The following PIBF1 variants were observed in gnomAD, a reference collection of about 807,000 sequenced individuals.
The protein encoded by PIBF1 is progesterone immunomodulatory binding factor 1.
A neutral mutation model predicts 112.5 loss-of-function variants in PIBF1; 90 were observed. That is an observed-to-expected ratio of 0.80 (90% confidence interval 0.67 to 0.95). The LOEUF is 0.95. Ranked by LOEUF, PIBF1 falls within the 40% of genes least tolerant of loss-of-function variation. PIBF1 has a pLI of 0.00. For missense variants in PIBF1, 915 were observed against 852.3 expected, an observed-to-expected ratio of 1.07 and a Z score of -0.92; for synonymous variants, 301 against 288.6, an observed-to-expected ratio of 1.04 and a Z score of -0.44.
At chr13:72,820,149 T>C (rs912581003) in intron 5 of PIBF1, among the ~76,000 whole-genome samples, 1 of 152,152 alleles carries the variant, frequency 6.6e-6, no homozygotes, top group Non-Finnish European at 1.5e-5. Context: ...TTACATGTAT[T>C]ACTTGATATA....
At chr13:72,805,268 G>A (rs777764221) in intron 5 of PIBF1, among the ~76,000 whole-genome samples, 40 of 152,062 alleles carry the variant, frequency 2.6e-4, no homozygotes, top group Non-Finnish European at 1.5e-4. Context: ...TCAACCTCCC[G>A]AGTAGCTGGG....
intron 15 of PIBF1, among the ~76,000 whole-genome samples, chr13:72,972,128 G>A (rs1396189423): frequency 6.6e-6 from 1 of 151,392 alleles, no homozygotes; most frequent in African/African-American, 2.4e-5. Context: ...CAAACTCCTG[G>A]GCTCGAGCGA....
intron 16 of PIBF1, among the ~76,000 whole-genome samples, chr13:72,992,331 GA>G (rs1344193712): frequency 1.3e-5 from 2 of 152,168 alleles, no homozygotes; most frequent in East Asian, 3.8e-4. Flanking sequence ...AAAATATTTT[GA>G]AAATAACTTT....
At chr13:72,867,301 A>G (rs531994817) in intron 10 of PIBF1, among the ~76,000 whole-genome samples, 5 of 152,322 alleles carry the variant, frequency 3.3e-5, no homozygotes, top group Admixed American at 6.5e-5. Context: ...CTCCTCAGCC[A>G]TGTGGAACTG....
intron 12 of PIBF1, among the ~76,000 whole-genome samples, chr13:72,914,857 G>T (rs544462182): frequency 6.6e-6 from 1 of 152,156 alleles, no homozygotes; most frequent in Non-Finnish European, 1.5e-5. Flanking sequence ...TGGGATTATA[G>T]GCATAAGCCA....
intron 9 of PIBF1, among the ~76,000 whole-genome samples, chr13:72,837,992 A>G (rs966566922): frequency 6.6e-6 from 1 of 152,178 alleles, no homozygotes; most frequent in Non-Finnish European, 1.5e-5. Context: ...TCCCAGCCCT[A>G]CATTAGAAAG....
chr13:72,944,072 A>G (rs1374377854), intron 14 of PIBF1, among the ~76,000 whole-genome samples: 5 of 152,094 alleles, frequency 3.3e-5, no homozygotes, highest in African/African-American at 1.2e-4. Context: ...TAAAATAAGT[A>G]TTTTTCTTGT....
chr13:72,825,299 TTATA>T (rs1282889513), intron 6 of PIBF1, among the ~76,000 whole-genome samples: 2 of 152,204 alleles, frequency 1.3e-5, no homozygotes, highest in Non-Finnish European at 2.9e-5. Flanking sequence ...TATACTGTGA[TTATA>T]TAAGAGACTA....
At chr13:73,010,025 G>A (rs1458772287) in intron 17 of PIBF1, among the ~76,000 whole-genome samples, 1 of 152,120 alleles carries the variant, frequency 6.6e-6, no homozygotes, top group African/African-American at 2.4e-5. Context: ...GTTCATTGAG[G>A]AAATGCAAAT....
intron 2 of PIBF1, among the ~76,000 whole-genome samples, chr13:72,789,606 T>C (rs1326608998): frequency 1.3e-5 from 2 of 152,158 alleles, no homozygotes; most frequent in Admixed American, 6.5e-5. Flanking sequence ...AGAGACTCAA[T>C]TTAGAAGTTA....
At chr13:73,006,945 A>G (rs926246623) in intron 17 of PIBF1, among the ~76,000 whole-genome samples, 1 of 151,972 alleles carries the variant, frequency 6.6e-6, no homozygotes, top group Non-Finnish European at 1.5e-5. Flanking sequence ...GGAATATAGT[A>G]TACTTTAGGG....
chr13:72,893,767 C>T lies in PIBF1; in HGVS notation c.1323-17C>T. ...ACTGCTTTCTTTAGAGTGTCATAAC[C>T]ATTCTGCTTCTTTCAGGTACAGAGA... On this transcript the variant is annotated splice_polypyrimidine_tract_variant and intron_variant, in intron 10 of 17. Coordinates refer to ENST00000326291, the MANE Select transcript of PIBF1 (RefSeq NM_006346.4). 1 of 1,511,606 alleles carries T rather than the reference C, an allele frequency of 6.6e-7. No individual in the cohort carries two copies. The highest frequency in any genetic ancestry group is 1.4e-5 in the African/African-American group (1 of 70,938). 93.6% of individuals were successfully genotyped at this position (1,511,606 alleles called of 1,614,324 possible). A position where few individuals can be genotyped will look rare whatever the true frequency, so the allele number is the denominator to read the frequency against.
At chr13:72,935,624 T>A (rs149529334) in intron 14 of PIBF1, among the ~76,000 whole-genome samples, 48 of 152,342 alleles carry the variant, frequency 3.2e-4, no homozygotes, top group Non-Finnish European at 4.9e-4. Context: ...TGCTAAACTG[T>A]TTCCCAGATG....
At chr13:72,973,802 A>G in intron 16 of PIBF1, 127 bp downstream of exon 16, 1 of 577,292 alleles carries the variant, frequency 1.7e-6, no homozygotes, top group Admixed American at 3.8e-5. Context: ...GTCTCACTGT[A>G]ATTTTGTCCT....
intron 14 of PIBF1, among the ~76,000 whole-genome samples, chr13:72,958,828 G>T (rs1408565365): frequency 1.3e-5 from 2 of 152,106 alleles, no homozygotes; most frequent in Admixed American, 6.6e-5. Context: ...AATGATTTAC[G>T]TACTAATTTG....
chr13:72,922,137 TTTTTTTA>T (rs907225648), intron 13 of PIBF1, among the ~76,000 whole-genome samples: 1 of 151,854 alleles, frequency 6.6e-6, no homozygotes, highest in African/African-American at 2.4e-5. Flanking sequence ...ACCTGGCTAA[TTTTTTTA>T]TTTTTTATTT....
intron 13 of PIBF1, among the ~76,000 whole-genome samples, chr13:72,918,536 C>T (rs1207851126): frequency 6.7e-6 from 1 of 148,240 alleles, no homozygotes; most frequent in Admixed American, 6.7e-5. Flanking sequence ...TACAGGCGTG[C>T]ACCACCACAC....
chr13:72,999,773 A>C (rs896417906), intron 17 of PIBF1, among the ~76,000 whole-genome samples: 1 of 152,222 alleles, frequency 6.6e-6, no homozygotes, highest in African/African-American at 2.4e-5. Context: ...GTTTAGATCA[A>C]ATAAGAGACA....
chr13:72,916,113 G>A (rs1481345114), intron 12 of PIBF1, among the ~76,000 whole-genome samples: 1 of 151,910 alleles, frequency 6.6e-6, no homozygotes, highest in African/African-American at 2.4e-5. Context: ...TTTTGGCCAG[G>A]TGCGGTGGCT....
Sources: allele counts gnomAD v4.1 joint callset (sites outside exome capture counted in the v4.1 genomes callset), GRCh38; gene constraint gnomAD v4.1.1; transcripts MANE v1.5; gene names NCBI Gene and HGNC (gene_info 2026-07-23, HGNC 2026-07-21).